Variants in RAB10 observed in about 807,000 individuals in gnomAD.
RAB10 encodes the protein RAB10, member RAS oncogene family, also known as ras-related protein Rab-10.
Under a neutral mutation model 25.7 loss-of-function variants are expected in RAB10, and 5 were observed. The ratio of observed to expected loss-of-function variants is 0.19; its 90% confidence interval spans 0.10 to 0.41. The LOEUF is 0.41. RAB10 is among the 10% of genes least tolerant of loss of function. The pLI is 1.00. For synonymous variants in RAB10, 89 were observed against 86.4 expected (o/e 1.03, Z -0.16); for missense variants, 103 against 245.8 (o/e 0.42, Z 3.89).
chr2:26,116,201 G>A (rs915262391), intron 3 of RAB10, among the ~76,000 whole-genome samples: 3 of 151,940 alleles, frequency 2.0e-5, no homozygotes, highest in Non-Finnish European at 4.4e-5. Flanking sequence ...AAATATTTTT[G>A]AGATGGGTGT....
At chr2:26,063,081 C>CTCCA (rs1185406903) in intron 1 of RAB10, among the ~76,000 whole-genome samples, 1 of 150,254 alleles carries the variant, frequency 6.7e-6, no homozygotes, top group Non-Finnish European at 1.5e-5. Context: ...CACCATTGCA[C>CTCCA]TCCACCTTGG....
intron 2 of RAB10, among the ~76,000 whole-genome samples, chr2:26,106,714 C>T (rs965079583): frequency 2.0e-5 from 3 of 151,066 alleles, no homozygotes; most frequent in Non-Finnish European, 2.9e-5. Flanking sequence ...GGCAAAACCC[C>T]GTCTCTACTA....
chr2:26,074,005 T>G (rs1666682077), intron 1 of RAB10, among the ~76,000 whole-genome samples: 1 of 152,078 alleles, frequency 6.6e-6, no homozygotes. Context: ...TTATGTGGAG[T>G]GCTGTGAAAA....
At chr2:26,049,136 C>G (rs1666077881) in intron 1 of RAB10, among the ~76,000 whole-genome samples, 1 of 150,004 alleles carries the variant, frequency 6.7e-6, no homozygotes, top group Admixed American at 6.6e-5. Context: ...TATTTTACAC[C>G]CTATTTTGAG....
intron 1 of RAB10, among the ~76,000 whole-genome samples, chr2:26,096,522 G>A (rs1389983510): frequency 6.6e-6 from 1 of 152,112 alleles, no homozygotes; most frequent in Admixed American, 6.6e-5. Flanking sequence ...TTGTTTTGAA[G>A]GTACCTTTTT....
Position 26,074,897 on chromosome 2 carries a change from G to T in RAB10, c.128-23765G>T, listed in dbSNP as rs185287217. Among the ~76,000 whole-genome samples the T allele has an allele frequency of 1.3e-4, 20 of 152,308 alleles. No homozygotes were observed. In the East Asian group the frequency reaches 3.8e-3, roughly 29 times the overall value. The stretch of plus-strand genomic sequence containing the variant: ...TGTTATGAGGATCGAACGAGTAAAT[G>T]CTTGTAAAATGCTTGGAACGGGTCT... On this transcript the variant is annotated intron_variant, in intron 1 of 5. Transcript: ENST00000264710.
intron 1 of RAB10, among the ~76,000 whole-genome samples, chr2:26,086,127 C>G (rs1307568172): frequency 6.6e-6 from 1 of 151,794 alleles, no homozygotes; most frequent in Non-Finnish European, 1.5e-5. Flanking sequence ...CCAGCCTGTC[C>G]AACATGACAA....
At chr2:26,055,182 T>G (rs1231629083) in intron 1 of RAB10, among the ~76,000 whole-genome samples, 1 of 152,088 alleles carries the variant, frequency 6.6e-6, no homozygotes, top group African/African-American at 2.4e-5. Context: ...TCTTGTCTAG[T>G]TTCAGTTCTA....
At chr2:26,049,966 C>T (rs1167833288) in intron 1 of RAB10, among the ~76,000 whole-genome samples, 2 of 152,182 alleles carry the variant, frequency 1.3e-5, no homozygotes, top group East Asian at 3.8e-4. Context: ...TTTTCCTGGA[C>T]ACCTCTCTGC....
chr2:26,044,547 G>T (rs1032744480), intron 1 of RAB10, among the ~76,000 whole-genome samples: 1 of 142,408 alleles, frequency 7.0e-6, no homozygotes, highest in African/African-American at 2.6e-5. Context: ...TGGCTAATTA[G>T]TTTTTTTTTT....
chr2:26,043,080 C>A (rs1574524353), intron 1 of RAB10, among the ~76,000 whole-genome samples: 1 of 152,078 alleles, frequency 6.6e-6, no homozygotes, highest in Admixed American at 6.6e-5. Context: ...AATGAAATTA[C>A]CATATGATCT....
At chr2:26,064,496 G>T (rs1173140557) in intron 1 of RAB10, among the ~76,000 whole-genome samples, 1 of 151,152 alleles carries the variant, frequency 6.6e-6, no homozygotes, top group Non-Finnish European at 1.5e-5. Context: ...TAATTTTTTG[G>T]GAAAAAAAAA....
At chr2:26,098,219 C>G (rs1424047946) in intron 1 of RAB10, among the ~76,000 whole-genome samples, 1 of 143,090 alleles carries the variant, frequency 7.0e-6, no homozygotes, top group African/African-American at 2.6e-5. Context: ...CTCTTGGGTT[C>G]AAGGGATTCT....
chr2:26,131,971 G>A (rs897260015), intron 5 of RAB10, among the ~76,000 whole-genome samples: 1 of 152,170 alleles, frequency 6.6e-6, no homozygotes, highest in Non-Finnish European at 1.5e-5. Context: ...ACATAATCTT[G>A]TATTTAAATT....
intron 1 of RAB10, among the ~76,000 whole-genome samples, chr2:26,060,315 C>T (rs182693982): frequency 1.6e-4 from 25 of 152,114 alleles, no homozygotes; most frequent in African/African-American, 5.3e-4. Flanking sequence ...TTTTTTCAGA[C>T]GGAGTCTCGC....
At chr2:26,091,912 C>G (rs1011907866) in intron 1 of RAB10, among the ~76,000 whole-genome samples, 4 of 152,070 alleles carry the variant, frequency 2.6e-5, no homozygotes, top group Non-Finnish European at 5.9e-5. Flanking sequence ...TGGCTCATGC[C>G]TGTAATCCCA....
intron 1 of RAB10, among the ~76,000 whole-genome samples, chr2:26,053,425 G>A (rs1447668617): frequency 6.6e-6 from 1 of 152,162 alleles, no homozygotes; most frequent in East Asian, 1.9e-4. Flanking sequence ...AAGTAGAACT[G>A]TAGTCTTAAA....
rs150330164 is a variant in RAB10 at position 26,085,698 on chromosome 2, T to C, written c.128-12964T>C. 1.7e-4 allele frequency among the ~76,000 whole-genome samples: 26 copies of C among 151,452 alleles called. No individual in the cohort carries two copies. The East Asian group carries it at 4.7e-3, about 27-fold the overall frequency. On this transcript the variant is annotated intron_variant, in intron 1 of 5. Coordinates refer to ENST00000264710, the MANE Select transcript of RAB10 (RefSeq NM_016131.5). ...TCATGTATCTGATCAAGATTAAGAT[T>C]CCAAAATATATAAAGAGACTGGGCA...
chr2:26,062,713 G>GA (rs894394391), intron 1 of RAB10, among the ~76,000 whole-genome samples: 5 of 144,284 alleles, frequency 3.5e-5, no homozygotes, highest in East Asian at 4.0e-4. Flanking sequence ...TAAAGGAAAG[G>GA]AAAAAAACCC....
Sources: allele counts gnomAD v4.1 joint callset (sites outside exome capture counted in the v4.1 genomes callset), GRCh38; gene constraint gnomAD v4.1.1; transcripts MANE v1.5; gene names NCBI Gene and HGNC (gene_info 2026-07-23, HGNC 2026-07-21).